SRBD1: variants seen among roughly 807,000 people sequenced by gnomAD.
SRBD1 encodes S1 RNA-binding domain-containing protein 1.
A neutral mutation model predicts 115.3 loss-of-function variants in SRBD1; 88 were observed. That is an observed-to-expected ratio of 0.76 (90% CI 0.64 to 0.91). SRBD1 has a LOEUF of 0.91. Among genes scored for constraint, SRBD1 ranks in the 40% least tolerant of loss-of-function variants. SRBD1 has a pLI of 0.00. For synonymous variants in SRBD1, 509 were observed against 407.7 expected, an observed-to-expected ratio of 1.25 and a Z score of -2.99; for missense variants, 1,385 against 1,177.4, an observed-to-expected ratio of 1.18 and a Z score of -2.58.
intron 18 of SRBD1, among the ~76,000 whole-genome samples, chr2:45,414,580 ATAGT>A (rs148596129): frequency 0.044 from 6,670 of 150,310 alleles, 298 homozygotes; most frequent in East Asian, 0.14. Context: ...TAGTGTGTAT[ATAGT>A]GTGTGTGTAC....
At chr2:45,562,114 C>A (rs948300766) in intron 10 of SRBD1, among the ~76,000 whole-genome samples, 1 of 152,190 alleles carries the variant, frequency 6.6e-6, no homozygotes, top group African/African-American at 2.4e-5. Flanking sequence ...ATTCCTCACA[C>A]ACCCTCCTGG....
intron 16 of SRBD1, among the ~76,000 whole-genome samples, chr2:45,436,249 G>A (rs769804241): frequency 5.9e-5 from 9 of 151,928 alleles, no homozygotes; most frequent in East Asian, 1.9e-4. Context: ...AAGAACAAAC[G>A]GGAAACATCC....
intron 19 of SRBD1, among the ~76,000 whole-genome samples, chr2:45,407,825 A>G (rs977375939): frequency 1.3e-5 from 2 of 152,084 alleles, no homozygotes; most frequent in African/African-American, 4.8e-5. Flanking sequence ...CAGTCCATAT[A>G]ACAAAGGGCT....
At chr2:45,499,213 T>C (rs1198764977) in intron 14 of SRBD1, among the ~76,000 whole-genome samples, 3 of 152,274 alleles carry the variant, frequency 2.0e-5, no homozygotes, top group African/African-American at 4.8e-5. Context: ...TGACATCTCA[T>C]TGTGGTTTTA....
At chr2:45,460,687 C>T (rs528964873) in intron 16 of SRBD1, among the ~76,000 whole-genome samples, 49 of 152,296 alleles carry the variant, frequency 3.2e-4, no homozygotes, top group African/African-American at 1.1e-3. Context: ...TAAAAAGTAG[C>T]AAAACCATTA....
intron 16 of SRBD1, among the ~76,000 whole-genome samples, chr2:45,426,791 G>A (rs947444520): frequency 3.9e-5 from 6 of 152,090 alleles, no homozygotes; most frequent in African/African-American, 7.2e-5. Context: ...AAACAGAAAG[G>A]AATAGCATCA....
chr2:45,416,457 C>A (rs191403939), intron 18 of SRBD1, among the ~76,000 whole-genome samples: 6,899 of 152,186 alleles, frequency 0.045, 306 homozygotes, highest in East Asian at 0.14. Context: ...ATCAATAAGA[C>A]ACTGATTAGA....
chr2:45,531,099 T>C (rs1007540697), intron 14 of SRBD1, among the ~76,000 whole-genome samples: 8 of 151,860 alleles, frequency 5.3e-5, no homozygotes, highest in Non-Finnish European at 1.2e-4. Flanking sequence ...GCTCATTCTA[T>C]ACTGATGGTT....
In SRBD1 at chr2:45,546,814, C is replaced by T; in HGVS notation, c.1792G>A (p.Gly598Arg). The change falls in exon 14 of 21, where the codon GGA becomes AGA. Residue 598 changes from glycine to arginine, a missense_variant. Coordinates refer to ENST00000263736, the MANE Select transcript of SRBD1 (RefSeq NM_018079.5). Reference protein sequence around the residue: ...FNCSTVVIGNGTACRETEAYF... With the variant: ...FNCSTVVIGNRTACRETEAYF... ...GCTTCTGTTTCCCTGCAGGCAGTTCCATTTCCAATCACTACTGTGCTGCAG... is the reference window on the plus strand; with the variant it reads ...GCTTCTGTTTCCCTGCAGGCAGTTCTATTTCCAATCACTACTGTGCTGCAG... 2 of 1,614,120 alleles carry T rather than the reference C, an allele frequency of 1.2e-6. No individual in the cohort carries two copies. Among genetic ancestry groups the T allele is most frequent in the Non-Finnish European group, 1.7e-6 (2 of 1,179,990 alleles).
At chr2:45,451,062 G>C (rs901063182) in intron 16 of SRBD1, among the ~76,000 whole-genome samples, 2 of 151,994 alleles carry the variant, frequency 1.3e-5, no homozygotes, top group Non-Finnish European at 2.9e-5. Context: ...GAAAACAAAG[G>C]ACAAAATTGC....
chr2:45,541,341 G>A (rs1671929354), intron 14 of SRBD1, among the ~76,000 whole-genome samples: 1 of 152,234 alleles, frequency 6.6e-6, no homozygotes. Context: ...CCTAGGTCTG[G>A]GCTCCCCAAA....
chr2:45,441,609 A>G (rs1293052872), intron 16 of SRBD1, among the ~76,000 whole-genome samples: 1 of 152,170 alleles, frequency 6.6e-6, no homozygotes, highest in East Asian at 1.9e-4. Flanking sequence ...TAGCTACTCA[A>G]TAAATTGGGT....
At position 45,519,907 on chromosome 2, in the gene SRBD1, C is replaced by T. The variant is rs961855254; in HGVS notation, c.1874+26825G>A. ...CATTTTACATATGAGGAAAACAAGGCACAGAAGGGTTAAGTAACCAAACCA... is the reference window on the plus strand; with the variant it reads ...CATTTTACATATGAGGAAAACAAGGTACAGAAGGGTTAAGTAACCAAACCA... On this transcript the variant is annotated intron_variant, in intron 14 of 20. Transcript: ENST00000263736. Among the ~76,000 whole-genome samples the T allele has an allele frequency of 2.6e-5, 4 of 152,164 alleles. No individual in the cohort carries two copies. The East Asian group carries it at 7.7e-4, about 29-fold the overall frequency.
chr2:45,577,026 A>G (rs1001984194), intron 7 of SRBD1, among the ~76,000 whole-genome samples: 1 of 152,242 alleles, frequency 6.6e-6, no homozygotes, highest in South Asian at 2.1e-4. Context: ...TGTTAAAACT[A>G]TGAATGGCTA....
chr2:45,395,306 T>C (rs1667113327), intron 19 of SRBD1, among the ~76,000 whole-genome samples: 1 of 152,202 alleles, frequency 6.6e-6, no homozygotes, highest in Non-Finnish European at 1.5e-5. Flanking sequence ...AGTAACTAAA[T>C]GGCAGAAACT....
chr2:45,396,661 C>T (rs1342788519), intron 19 of SRBD1, among the ~76,000 whole-genome samples: 2 of 152,148 alleles, frequency 1.3e-5, no homozygotes, highest in Admixed American at 1.3e-4. Context: ...ATATTTTCAA[C>T]AGAAACTTGT....
chr2:45,409,699 A>G (rs947099366), intron 19 of SRBD1, among the ~76,000 whole-genome samples: 1 of 152,170 alleles, frequency 6.6e-6, no homozygotes, highest in Non-Finnish European at 1.5e-5. Context: ...AGGTTATTAT[A>G]CAAAACTCGT....
At chr2:45,482,766 T>G (rs1670005409) in intron 15 of SRBD1, among the ~76,000 whole-genome samples, 1 of 152,064 alleles carries the variant, frequency 6.6e-6, no homozygotes, top group Admixed American at 6.6e-5. Flanking sequence ...CTTGGGTGAT[T>G]GGTTCCAGGA....
intron 2 of SRBD1, among the ~76,000 whole-genome samples, 194 bp from the exon 3 acceptor site, chr2:45,602,277 T>C (rs758192146): frequency 1.1e-4 from 16 of 152,180 alleles, no homozygotes; most frequent in Non-Finnish European, 1.8e-4. Context: ...AGTATAAAAA[T>C]ACCGCAGTAT....
Sources: allele counts gnomAD v4.1 joint callset (sites outside exome capture counted in the v4.1 genomes callset), GRCh38; gene constraint gnomAD v4.1.1; transcripts MANE v1.5; gene names NCBI Gene and HGNC (gene_info 2026-07-23, HGNC 2026-07-21).